Variants in FAM171B observed in about 807,000 individuals in gnomAD.
The protein encoded by FAM171B is protein FAM171B.
FAM171B carries 19 observed loss-of-function variants against 75.6 expected under a neutral mutation model. That is an observed-to-expected ratio of 0.25 (90% confidence interval 0.18 to 0.37). The LOEUF (loss-of-function observed/expected upper bound fraction) is 0.37. Ranked by LOEUF, FAM171B falls within the 10% of genes least tolerant of loss-of-function variation. The pLI is 1.00. For missense variants in FAM171B, 848 were observed against 982.4 expected (o/e 0.86, Z 1.83); for synonymous variants, 367 against 361.7 (o/e 1.01, Z -0.17).
chr2:186,743,407 G>T, intron 2 of FAM171B, 76 bp from the exon 3 acceptor site: 2 of 974,320 alleles, frequency 2.1e-6, no homozygotes, highest in Admixed American at 2.1e-5. Context: ...GAGACTTGCT[G>T]TTACAGAACT....
At chr2:186,714,214 A>G (rs1689846142) in intron 1 of FAM171B, among the ~76,000 whole-genome samples, 1 of 152,120 alleles carries the variant, frequency 6.6e-6, no homozygotes, top group Admixed American at 6.6e-5. Context: ...AAGGGCATTA[A>G]CATTATAATG....
At position 186,747,217 on chromosome 2, in the gene FAM171B, C is replaced by A. The variant is rs1163273908; in HGVS notation, c.691C>A (p.Leu231Met). 8 of 1,604,784 alleles carry A rather than the reference C, an allele frequency of 5.0e-6. No individual in the cohort carries two copies. The South Asian group carries it at 7.9e-5, about 16-fold the overall frequency. ...ACAGTTTTTGAAAGTGGACAATTTT[C>A]TGCATACAACTGGAATTACTCTCAA... is the stretch of plus-strand genomic sequence containing the variant. The part of the protein sequence containing the change: ...LQQFLKVDNF[L>M]HTTGITLNKP... Residue 231 changes from leucine to methionine, a missense_variant, in exon 4 of 8, where the codon CTG (leucine) becomes ATG (methionine). Physicochemically the swap from Leu to Met is conservative, Grantham distance 15. Transcript: ENST00000304698.
intron 1 of FAM171B, among the ~76,000 whole-genome samples, chr2:186,723,605 G>T (rs937562857): frequency 3.3e-5 from 5 of 152,118 alleles, no homozygotes; most frequent in African/African-American, 1.2e-4. Context: ...CTAAGGCAAA[G>T]CAACAATGTT....
intron 1 of FAM171B, among the ~76,000 whole-genome samples, chr2:186,698,028 A>G (rs1406373007): frequency 6.6e-6 from 1 of 152,224 alleles, no homozygotes; most frequent in Admixed American, 6.5e-5. Flanking sequence ...CAGTGTATAC[A>G]ACAGCTCTTA....
At chr2:186,739,381 T>C (rs2105785512) in intron 1 of FAM171B, among the ~76,000 whole-genome samples, 1 of 152,342 alleles carries the variant, frequency 6.6e-6, no homozygotes, top group South Asian at 2.1e-4. Context: ...CTTAAACTTT[T>C]TGATTCTTTT....
At chr2:186,751,028 G>A in intron 4 of FAM171B, 106 bp from the exon 5 acceptor site, 1 of 812,152 alleles carries the variant, frequency 1.2e-6, no homozygotes, top group Non-Finnish European at 1.9e-6. Context: ...TATTAAAATA[G>A]ATAACCCTTG....
intron 1 of FAM171B, among the ~76,000 whole-genome samples, chr2:186,701,323 C>T (rs1238986703): frequency 6.6e-6 from 1 of 152,234 alleles, no homozygotes; most frequent in Non-Finnish European, 1.5e-5. Context: ...ATTAACATAT[C>T]CATCCTCTTA....
chr2:186,714,123 T>TC (rs1157167904), intron 1 of FAM171B, among the ~76,000 whole-genome samples: 3 of 151,234 alleles, frequency 2.0e-5, no homozygotes, highest in Non-Finnish European at 3.0e-5. Context: ...CAGATGAAAT[T>TC]TTTTTTTTTT....
intron 1 of FAM171B, among the ~76,000 whole-genome samples, chr2:186,734,025 G>A (rs141726136): frequency 1.6e-3 from 236 of 152,250 alleles, no homozygotes; most frequent in African/African-American, 5.2e-3. Context: ...ACCATTCAAT[G>A]GGGACTGAGC....
At chr2:186,712,642 G>T (rs916537257) in intron 1 of FAM171B, among the ~76,000 whole-genome samples, 2 of 152,120 alleles carry the variant, frequency 1.3e-5, no homozygotes, top group Admixed American at 6.5e-5. Flanking sequence ...GCACTTTTCA[G>T]AGTCACTTTC....
intron 1 of FAM171B, among the ~76,000 whole-genome samples, chr2:186,713,994 T>C (rs1689842024): frequency 6.6e-6 from 1 of 152,260 alleles, no homozygotes; most frequent in Admixed American, 6.5e-5. Context: ...ATTGAAAAGA[T>C]AATGTTCTTC....
intron 2 of FAM171B, among the ~76,000 whole-genome samples, chr2:186,743,013 T>C (rs1335455455): frequency 6.6e-6 from 1 of 152,122 alleles, no homozygotes; most frequent in Non-Finnish European, 1.5e-5. Context: ...CAAACCACAC[T>C]GTTTGCAGAA....
At chr2:186,752,646 C>T (rs2595379) in intron 5 of FAM171B, among the ~76,000 whole-genome samples, 141,158 of 152,246 alleles carry the variant, frequency 0.93, 66,086 homozygotes, top group Non-Finnish European at 1. Context: ...GCCAAGGCAT[C>T]TATCTCTAAT....
chr2:186,732,757 T>C (rs1367293043), intron 1 of FAM171B, among the ~76,000 whole-genome samples: 1 of 152,244 alleles, frequency 6.6e-6, no homozygotes, highest in Non-Finnish European at 1.5e-5. Context: ...AGTGTGTTTA[T>C]TGAAGTTGTA....
At chr2:186,721,160 TGC>T in intron 1 of FAM171B, among the ~76,000 whole-genome samples, 1 of 152,328 alleles carries the variant, frequency 6.6e-6, no homozygotes, top group Non-Finnish European at 1.5e-5. Context: ...ATCTTGGCTG[TGC>T]ACTAGAATCA....
At chr2:186,722,563 T>G (rs1166885735) in intron 1 of FAM171B, among the ~76,000 whole-genome samples, 1 of 152,218 alleles carries the variant, frequency 6.6e-6, no homozygotes, top group Admixed American at 6.5e-5. Flanking sequence ...GATCAAGTTT[T>G]GAATGCATGA....
At chr2:186,736,912 G>A (rs11683459) in intron 1 of FAM171B, among the ~76,000 whole-genome samples, 24,896 of 151,926 alleles carry the variant, frequency 0.16, 2,172 homozygotes, top group Middle Eastern at 0.25. Context: ...CAAATGTATT[G>A]CAGCATAATC....
In FAM171B at chr2:186,762,346, G is replaced by A. The variant is rs369711284; in HGVS notation, c.2004G>A (p.Pro668=). ...LLELSKGKPS[P]HPRAWFVSLD... ...AGCTGTCCAAAGGAAAGCCCTCCCCGCATCCCAGAGCCTGGTTTGTGTCTC... is the reference window on the plus strand; with the variant it reads ...AGCTGTCCAAAGGAAAGCCCTCCCCACATCCCAGAGCCTGGTTTGTGTCTC... Residue 668 remains proline (P), a synonymous_variant, in exon 8 of 8, where the codon CCG becomes CCA. Coordinates refer to ENST00000304698, the MANE Select transcript of FAM171B (RefSeq NM_177454.4). This position sits in a 1 kb window ranked among gnomAD's most constrained non-coding sequence, Gnocchi z 4.0. 1.4e-5 allele frequency: 23 copies of A among 1,613,500 alleles called. No homozygotes were observed. The African/African-American group carries it at 1.5e-4, about 10-fold the overall frequency.
intron 1 of FAM171B, among the ~76,000 whole-genome samples, chr2:186,707,176 T>C (rs1159899885): frequency 3.3e-5 from 5 of 152,196 alleles, no homozygotes; most frequent in African/African-American, 9.6e-5. Flanking sequence ...AACTAGACTT[T>C]TGATTTCCTA....
Sources: gnomAD v4.1 joint callset for allele counts (sites outside exome capture counted in the v4.1 genomes callset) on GRCh38, gnomAD v4.1.1 for gene constraint, Gnocchi (gnomAD v3.1) non-coding constraint, MANE v1.5 for transcripts, NCBI Gene and HGNC (gene_info 2026-07-23, HGNC 2026-07-21) for gene names.